Variants in PPARG observed in about 807,000 individuals in gnomAD.
PPARG encodes the protein peroxisome proliferator activated receptor gamma, also known as peroxisome proliferator-activated receptor gamma.
In PPARG, 17 loss-of-function variants were observed where a neutral mutation model predicts 39.2. That is an observed-to-expected ratio of 0.43 (90% CI 0.30 to 0.65). The LOEUF is 0.65. Among genes scored for constraint, PPARG ranks in the 30% least tolerant of loss-of-function variants. The probability of loss-of-function intolerance (pLI) is 0.13; values close to 1 mark genes in which losing one functional copy is unlikely to be tolerated. For synonymous variants in PPARG, 223 were observed against 215.7 expected (o/e 1.03, Z -0.30); for missense variants, 406 against 585.9 (o/e 0.69, Z 3.17).
intron 1 of PPARG, among the ~76,000 whole-genome samples, chr3:12,290,824 T>G (rs1057437003): frequency 6.6e-6 from 1 of 152,174 alleles, no homozygotes; most frequent in Non-Finnish European, 1.5e-5. Context: ...TACATTTCAT[T>G]TAGTTTTCAG....
chr3:12,296,254 C>CAAAAAAAAAAAA (rs545210244), intron 1 of PPARG, among the ~76,000 whole-genome samples: 51 of 48,630 alleles, frequency 1.0e-3, no homozygotes, highest in Non-Finnish European at 1.4e-3. Flanking sequence ...CACTTTGTCT[C>CAAAAAAAAAAAA]AAAAAAAAAA....
At chr3:12,415,413 T>C (rs1196473359) in intron 6 of PPARG, among the ~76,000 whole-genome samples, 1 of 152,202 alleles carries the variant, frequency 6.6e-6, no homozygotes, top group Non-Finnish European at 1.5e-5. Context: ...ATACAAGTAT[T>C]TGAACAGGAT....
At chr3:12,408,231 T>C (rs372991939) in intron 6 of PPARG, among the ~76,000 whole-genome samples, 20 of 152,326 alleles carry the variant, frequency 1.3e-4, no homozygotes, top group Admixed American at 4.6e-4. Flanking sequence ...TTTAGAACAG[T>C]AGGAATTCTT....
chr3:12,296,254 C>CAAAAAAAA (rs545210244), intron 1 of PPARG, among the ~76,000 whole-genome samples: 22 of 48,616 alleles, frequency 4.5e-4, no homozygotes, highest in South Asian at 1.1e-3. Context: ...CACTTTGTCT[C>CAAAAAAAA]AAAAAAAAAA....
intron 1 of PPARG, among the ~76,000 whole-genome samples, chr3:12,294,044 GGCTAGTT>G (rs1425548724): frequency 6.6e-6 from 1 of 152,186 alleles, no homozygotes; most frequent in African/African-American, 2.4e-5. Flanking sequence ...AAATGTGAAA[GGCTAGTT>G]GCTTGTTTCC....
At chr3:12,342,766 G>A (rs1024460246) in intron 2 of PPARG, among the ~76,000 whole-genome samples, 8 of 150,822 alleles carry the variant, frequency 5.3e-5, no homozygotes, top group African/African-American at 1.5e-4. Flanking sequence ...AACAATGAAC[G>A]CGGATTGGTT....
In PPARG at chr3:12,379,699, T is replaced by G; in HGVS notation, c.-8-5T>G. On this transcript the variant is annotated splice_region_variant and splice_polypyrimidine_tract_variant and intron_variant, in intron 2 of 7. Transcript: ENST00000651735. ...ACTTCACAGCTAGTCTATTTTTCCTTTCAGAAATGACCATGGTTGACACAG... is the reference window on the plus strand; with the variant it reads ...ACTTCACAGCTAGTCTATTTTTCCTGTCAGAAATGACCATGGTTGACACAG... The G allele has an allele frequency of 6.2e-7, 1 of 1,612,888 alleles. No homozygotes were observed. Among genetic ancestry groups the G allele is most frequent in the Non-Finnish European group, 8.5e-7 (1 of 1,178,958 alleles).
chr3:12,341,882 C>G (rs141050738), intron 2 of PPARG, among the ~76,000 whole-genome samples: 48 of 152,030 alleles, frequency 3.2e-4, no homozygotes, highest in Non-Finnish European at 5.9e-4. Context: ...TCATAAACTC[C>G]AAGTATTGAT....
intron 2 of PPARG, among the ~76,000 whole-genome samples, chr3:12,337,577 C>A (rs1015616013): frequency 3.3e-5 from 5 of 152,136 alleles, no homozygotes; most frequent in African/African-American, 1.2e-4. Context: ...CCTATCTCCA[C>A]TTGAAAAATG....
At chr3:12,426,242 G>A (rs1402637921) in intron 7 of PPARG, among the ~76,000 whole-genome samples, 1 of 152,200 alleles carries the variant, frequency 6.6e-6, no homozygotes, top group Non-Finnish European at 1.5e-5. Context: ...TATTTAAACC[G>A]GCAAGTGTCA....
Position 12,367,066 on chromosome 3 carries a change from T to A in PPARG, c.-8-12638T>A, listed in dbSNP as rs531162459. Among the ~76,000 whole-genome samples the A allele has an allele frequency of 5.3e-5, 8 of 152,286 alleles. No individual in the cohort carries two copies. In the South Asian group the frequency reaches 1.7e-3, roughly 32 times the overall value. On this transcript the variant is annotated intron_variant, in intron 2 of 7. Transcript: ENST00000651735. Reference sequence around the variant, plus strand: ...TTATTAGTTATTGATTCAATTTCATTAATAAATGTAGGCCTATTCCATTTC... The same window carrying A: ...TTATTAGTTATTGATTCAATTTCATAAATAAATGTAGGCCTATTCCATTTC...
intron 7 of PPARG, among the ~76,000 whole-genome samples, chr3:12,424,091 A>G (rs891784122): frequency 6.6e-6 from 1 of 152,144 alleles, no homozygotes; most frequent in African/African-American, 2.4e-5. Context: ...TTATCTAGAA[A>G]TGTCCCATTA....
chr3:12,354,621 T>C lies in PPARG; in HGVS notation c.-8-25083T>C, dbSNP rs1238335050. Reference sequence around the variant, plus strand: ...ACAAAAAATTAGCCAGGCGTGGTGGTGGGCGCCTGTAGTCCCAGCTACTCA... The same window carrying C: ...ACAAAAAATTAGCCAGGCGTGGTGGCGGGCGCCTGTAGTCCCAGCTACTCA... On this transcript the variant is annotated intron_variant, in intron 2 of 7. Coordinates refer to ENST00000651735, the MANE Select transcript of PPARG (RefSeq NM_138711.6). Among the ~76,000 whole-genome samples the C allele has an allele frequency of 8.6e-5, 13 of 151,560 alleles. No individual in the cohort carries two copies. In the South Asian group the frequency reaches 1.0e-3, roughly 12 times the overall value.
intron 2 of PPARG, among the ~76,000 whole-genome samples, chr3:12,330,481 G>A (rs1209498371): frequency 6.6e-6 from 1 of 151,832 alleles, no homozygotes; most frequent in African/African-American, 2.4e-5. Flanking sequence ...TTTTAAATTG[G>A]GTTGTTTGCC....
At chr3:12,328,367 C>T in intron 2 of PPARG, 2 of 669,966 alleles carry the variant, frequency 3.0e-6, no homozygotes, top group Non-Finnish European at 5.3e-6. Flanking sequence ...CTCCTCTGCC[C>T]TGATGGATGC....
intron 7 of PPARG, among the ~76,000 whole-genome samples, chr3:12,426,755 G>A (rs560231275): frequency 1.3e-5 from 2 of 152,310 alleles, no homozygotes; most frequent in South Asian, 2.1e-4. Flanking sequence ...AGCACTTTCC[G>A]TATGTCCCTC....
At chr3:12,302,300 C>T (rs1011168963) in intron 1 of PPARG, among the ~76,000 whole-genome samples, 5 of 152,150 alleles carry the variant, frequency 3.3e-5, no homozygotes, top group Non-Finnish European at 7.4e-5. Flanking sequence ...CAAAATATCC[C>T]GAGTAGGTAC....
intron 6 of PPARG, among the ~76,000 whole-genome samples, chr3:12,416,422 C>G (rs2051058047): frequency 7.1e-6 from 1 of 141,564 alleles, no homozygotes; most frequent in South Asian, 2.2e-4. Context: ...ATGAAGACTC[C>G]CCAAACAAAA....
At position 12,381,262 on chromosome 3, in the gene PPARG, G is replaced by A. The variant is rs1202609528; in HGVS notation, c.221-60G>A. The A allele has an allele frequency of 1.9e-6, 3 of 1,539,508 alleles. No individual in the cohort carries two copies. In the Admixed American group the frequency reaches 5.3e-5, roughly 27 times the overall value. Reference sequence around the variant, plus strand: ...AAGGTGTACTATGGTGGCTTGCCCTGTTGCCTTTTTAGGACTGTTTTCATG... The same window carrying A: ...AAGGTGTACTATGGTGGCTTGCCCTATTGCCTTTTTAGGACTGTTTTCATG... On this transcript the variant is annotated intron_variant, in intron 3 of 7. Coordinates refer to ENST00000651735, the MANE Select transcript of PPARG (RefSeq NM_138711.6).
Sources: gnomAD v4.1 joint callset for allele counts (sites outside exome capture counted in the v4.1 genomes callset) on GRCh38, gnomAD v4.1.1 for gene constraint, MANE v1.5 for transcripts, NCBI Gene and HGNC (gene_info 2026-07-23, HGNC 2026-07-21) for gene names.